Variants in CCDC85C observed in about 807,000 individuals in gnomAD.
CCDC85C encodes the protein coiled-coil domain-containing protein 85C.
A neutral mutation model predicts 38.3 loss-of-function variants in CCDC85C; 18 were observed. The observed-to-expected ratio is 0.47, with a 90% CI of 0.33 to 0.70. The LOEUF (loss-of-function observed/expected upper bound fraction) is 0.70. Ranked by LOEUF, CCDC85C falls within the 30% of genes least tolerant of loss-of-function variation. The pLI, the probability that CCDC85C is intolerant of heterozygous loss-of-function variation, is 0.03. For synonymous variants in CCDC85C, 264 were observed against 293.8 expected, an observed-to-expected ratio of 0.90 and a Z score of 1.04; for missense variants, 566 against 621.2, an observed-to-expected ratio of 0.91 and a Z score of 0.94.
intron 1 of CCDC85C, among the ~76,000 whole-genome samples, chr14:99,581,761 C>A (rs1323890413): frequency 1.3e-5 from 2 of 152,220 alleles, no homozygotes; most frequent in Non-Finnish European, 2.9e-5. Context: ...GGCTGACGAC[C>A]CTTTGTAAAT....
chr14:99,571,288 G>A (rs955500813), intron 1 of CCDC85C, among the ~76,000 whole-genome samples: 1 of 152,126 alleles, frequency 6.6e-6, no homozygotes, highest in African/African-American at 2.4e-5. Context: ...ATCTCGCCAA[G>A]GCCTGCCTGC....
At chr14:99,529,769 T>C (rs1292634041) in intron 2 of CCDC85C, among the ~76,000 whole-genome samples, 1 of 152,156 alleles carries the variant, frequency 6.6e-6, no homozygotes, top group African/African-American at 2.4e-5. Flanking sequence ...CTCCTCAACT[T>C]TCTGGGCCTC....
At position 99,603,412 on chromosome 14, in the gene CCDC85C, T is replaced by A; in HGVS notation, c.548A>T (p.Gln183Leu). ...GAGSRSSIDSQASLSGPLSGG... is the reference protein window; with the variant it reads ...GAGSRSSIDSLASLSGPLSGG... ...CGACAGCGGCCCGCTCAGGCTGGCC[T>A]GGCTGTCGATGGAGCTGCGGGAGCC... is the stretch of plus-strand genomic sequence containing the variant. The change falls in exon 1 of 6, where the codon CAG becomes CTG. Residue 183 changes from glutamine to leucine, a missense_variant. Transcript: ENST00000380243. The surrounding 1 kb of genome is among the most constrained non-coding windows in gnomAD (Gnocchi z 7.5). The A allele has an allele frequency of 7.9e-7, 1 of 1,267,764 alleles. No homozygotes were observed. Among genetic ancestry groups the A allele is most frequent in the Non-Finnish European group, 9.9e-7 (1 of 1,011,392 alleles). The allele number at this position is 1,267,764 out of a possible 1,614,324, so 78.5% of individuals were successfully genotyped here.
chr14:99,506,774 T>C lies in CCDC85C; in HGVS notation c.*8472A>G, dbSNP rs1896986185. On this transcript the variant is annotated 3_prime_UTR_variant, in exon 6 of 6. Coordinates refer to ENST00000380243, the MANE Select transcript of CCDC85C (RefSeq NM_001144995.2). ...TCATACATGCTCATGAAGACGTTGC[T>C]CTGCTGGTCTCACATGGTCGGAAGG... 5 of 390,656 alleles carry C rather than the reference T, an allele frequency of 1.3e-5. No homozygotes were observed. Among genetic ancestry groups the C allele is most frequent in the South Asian group, 1.1e-4 (5 of 44,862 alleles). The allele number at this position is 390,656 out of a possible 1,614,324, so 24.2% of individuals were successfully genotyped here.
At chr14:99,561,948 TC>T (rs1425809501) in intron 1 of CCDC85C, among the ~76,000 whole-genome samples, 1 of 152,120 alleles carries the variant, frequency 6.6e-6, no homozygotes. Context: ...GACGTGCTTA[TC>T]CCCTCCTTCC....
rs566054962 is a variant in CCDC85C at position 99,533,191 on chromosome 14, G to A, written c.867+2824C>T. Among the ~76,000 whole-genome samples the A allele has an allele frequency of 7.9e-5, 12 of 152,300 alleles. No individual in the cohort carries two copies. Among genetic ancestry groups the A allele is most frequent in the East Asian group, 7.7e-4 (4 of 5,168 alleles). ...CACTGCAGCATGGGGACAGGGCACC[G>A]GGGCCAAGGCCCCAGCAGCATACGG... On this transcript the variant is annotated intron_variant, in intron 2 of 5. Coordinates refer to ENST00000380243, the MANE Select transcript of CCDC85C (RefSeq NM_001144995.2). The surrounding 1 kb of genome is among the most constrained non-coding windows in gnomAD (Gnocchi z 4.2).
rs909955801 is a variant in CCDC85C at position 99,502,667 on chromosome 14, T to C, written c.*12579A>G. 1 of 1,558,218 alleles carries C rather than the reference T, an allele frequency of 6.4e-7. No individual in the cohort carries two copies. Among genetic ancestry groups the C allele is most frequent in the African/African-American group, 1.4e-5 (1 of 73,474 alleles). ...TAACTGATTCTTTATCCAGGTAAAA[T>C]TTTATTTAAAATACCAATTTGTGTA... On this transcript the variant is annotated 3_prime_UTR_variant, in exon 6 of 6. Transcript: ENST00000380243.
At chr14:99,531,338 G>A (rs912960856) in intron 2 of CCDC85C, among the ~76,000 whole-genome samples, 2 of 152,122 alleles carry the variant, frequency 1.3e-5, no homozygotes, top group Admixed American at 6.5e-5. Context: ...GGGAGTTAAC[G>A]AGAGGCCCCA....
chr14:99,573,907 G>A (rs933103560), intron 1 of CCDC85C, among the ~76,000 whole-genome samples: 5 of 152,178 alleles, frequency 3.3e-5, no homozygotes, highest in South Asian at 2.1e-4. Flanking sequence ...AGGGGCATGC[G>A]CTGGGGCCTC....
At chr14:99,592,459 T>A (rs2055098033) in intron 1 of CCDC85C, among the ~76,000 whole-genome samples, 2 of 152,150 alleles carry the variant, frequency 1.3e-5, no homozygotes, top group Non-Finnish European at 2.9e-5. Context: ...CAGGGCGATG[T>A]TTTCCCTCTG....
rs1299104813 is a variant in CCDC85C, at chr14:99,548,829, C to T, written c.794-12741G>A. The stretch of plus-strand genomic sequence containing the variant: ...AAAAAAACCCAAAACAAAAACAAAA[C>T]AAAAAGATGAACCAAATACATCTCA... On this transcript the variant is annotated intron_variant, in intron 1 of 5. Coordinates refer to ENST00000380243, the MANE Select transcript of CCDC85C (RefSeq NM_001144995.2). The surrounding 1 kb of genome is among the most constrained non-coding windows in gnomAD (Gnocchi z 4.9). Among the ~76,000 whole-genome samples the T allele has an allele frequency of 6.6e-6, 1 of 152,086 alleles. No individual in the cohort carries two copies. The highest frequency in any genetic ancestry group is 6.5e-5 in the Admixed American group (1 of 15,270).
rs1897195186 is a variant in CCDC85C, at chr14:99,514,834, T to C, written c.*412A>G. On this transcript the variant is annotated 3_prime_UTR_variant, in exon 6 of 6. Transcript: ENST00000380243. ...TCAAGACCCAGGTAGTGGTGGTCTC[T>C]GTCCAGTGTGGGTGGCAGCCGGGGA... is the stretch of plus-strand genomic sequence containing the variant. 1 of 166,512 alleles carries C rather than the reference T, an allele frequency of 6.0e-6. No individual in the cohort carries two copies. The highest frequency in any genetic ancestry group is 1.6e-4 in the South Asian group (1 of 6,392). The allele number at this position is 166,512 out of a possible 1,614,324, so 10.3% of individuals were successfully genotyped here.
In CCDC85C at chr14:99,545,261, C is replaced by G. The variant is rs1438300610; in HGVS notation, c.794-9173G>C. On this transcript the variant is annotated intron_variant, in intron 1 of 5. Coordinates refer to ENST00000380243, the MANE Select transcript of CCDC85C (RefSeq NM_001144995.2). This position sits in a 1 kb window ranked among gnomAD's most constrained non-coding sequence, Gnocchi z 4.7. ...CCCCAGCTTCAGGGGCCACTGGGCACCCAGCATTTAATTCCAGGAAAAGCC... is the reference window on the plus strand; with the variant it reads ...CCCCAGCTTCAGGGGCCACTGGGCAGCCAGCATTTAATTCCAGGAAAAGCC... Among the ~76,000 whole-genome samples, 1 of 152,092 alleles carries G rather than the reference C, an allele frequency of 6.6e-6. No homozygotes were observed. The highest frequency in any genetic ancestry group is 1.5e-5 in the Non-Finnish European group (1 of 68,030).
intron 1 of CCDC85C, among the ~76,000 whole-genome samples, chr14:99,565,053 C>T (rs1898189371): frequency 6.6e-6 from 1 of 152,212 alleles, no homozygotes; most frequent in Admixed American, 6.5e-5. Flanking sequence ...TCTGATCATG[C>T]AGCCAGGCGG....
At chr14:99,582,677 G>C (rs2054986261) in intron 1 of CCDC85C, among the ~76,000 whole-genome samples, 1 of 152,172 alleles carries the variant, frequency 6.6e-6, no homozygotes, top group South Asian at 2.1e-4. Flanking sequence ...AGCCAGGTGT[G>C]GTGGCGCACG....
chr14:99,502,184 C>CTT lies in CCDC85C; in HGVS notation c.*13060_*13061dup. The CTT allele has an allele frequency of 6.5e-7, 1 of 1,532,376 alleles. No homozygotes were observed. Among genetic ancestry groups the CTT allele is most frequent in the Non-Finnish European group, 8.8e-7 (1 of 1,134,680 alleles). The allele number at this position is 1,532,376 out of a possible 1,614,324, so 94.9% of individuals were successfully genotyped here. On this transcript the variant is annotated 3_prime_UTR_variant, in exon 6 of 6. Coordinates refer to ENST00000380243, the MANE Select transcript of CCDC85C (RefSeq NM_001144995.2). ...TAAATATTAGATCATATTATCTAAC[C>CTT]TTTTTTTTTCTTGTTGAACTAGTCT... is the stretch of plus-strand genomic sequence containing the variant.
chr14:99,547,037 T>A (rs1897821050), intron 1 of CCDC85C, among the ~76,000 whole-genome samples: 1 of 151,844 alleles, frequency 6.6e-6, no homozygotes, highest in African/African-American at 2.4e-5. Context: ...CTTTTTTTCC[T>A]GAGGTCAGCC....
intron 5 of CCDC85C, 25 bp from the exon 6 acceptor site, chr14:99,515,360 T>A (rs1897205058): frequency 6.5e-7 from 1 of 1,530,234 alleles, no homozygotes; most frequent in African/African-American, 1.4e-5. Context: ...GAGATGTGAG[T>A]GGTGGGACTC....
At chr14:99,565,780 A>G (rs557229922) in intron 1 of CCDC85C, among the ~76,000 whole-genome samples, 1 of 152,288 alleles carries the variant, frequency 6.6e-6, no homozygotes, top group African/African-American at 2.4e-5. Context: ...CCCCAACCCA[A>G]GCAGAAAAGA....
Sources: gnomAD v4.1 joint callset for allele counts (sites outside exome capture counted in the v4.1 genomes callset) on GRCh38, gnomAD v4.1.1 for gene constraint, Gnocchi (gnomAD v3.1) non-coding constraint, MANE v1.5 for transcripts, NCBI Gene and HGNC (gene_info 2026-07-23, HGNC 2026-07-21) for gene names.